Variants in GALNTL6 observed in about 807,000 individuals in gnomAD.
GALNTL6 encodes the protein polypeptide N-acetylgalactosaminyltransferase-like 6.
In GALNTL6, 46 loss-of-function variants were observed where a neutral mutation model predicts 73.7. The ratio of observed to expected loss-of-function variants is 0.62; its 90% CI spans 0.49 to 0.80. The LOEUF (loss-of-function observed/expected upper bound fraction) is 0.80, where lower values mean the gene tolerates loss of function less well. Ranked by LOEUF, GALNTL6 falls within the 30% of genes least tolerant of loss-of-function variation. The probability of loss-of-function intolerance (pLI) is 0.00; values close to 1 mark genes in which losing one functional copy is unlikely to be tolerated. For missense variants in GALNTL6, 604 were observed against 755.0 expected (o/e 0.80, Z 2.34); for synonymous variants, 259 against 263.7 (o/e 0.98, Z 0.17).
chr4:172,043,577 G>T (rs1013990532), intron 2 of GALNTL6, among the ~76,000 whole-genome samples: 1 of 151,984 alleles, frequency 6.6e-6, no homozygotes, highest in Non-Finnish European at 1.5e-5. Context: ...TCTTTTAAAG[G>T]TTTTATTTAT....
intron 5 of GALNTL6, among the ~76,000 whole-genome samples, chr4:172,734,601 G>A (rs1284591307): frequency 6.6e-6 from 1 of 152,184 alleles, no homozygotes; most frequent in Non-Finnish European, 1.5e-5. Context: ...GGTTTTTACA[G>A]TCTTGAGAAG....
chr4:172,007,321 A>G (rs1740871647), intron 2 of GALNTL6, among the ~76,000 whole-genome samples: 1 of 152,100 alleles, frequency 6.6e-6, no homozygotes, highest in Non-Finnish European at 1.5e-5. Flanking sequence ...ATTAAAAGCT[A>G]TGTATGATTA....
intron 7 of GALNTL6, among the ~76,000 whole-genome samples, chr4:172,849,333 C>A (rs1743687182): frequency 6.6e-6 from 1 of 151,982 alleles, no homozygotes; most frequent in African/African-American, 2.4e-5. Flanking sequence ...GAAGGTGCAC[C>A]TCAGAAAATA....
At chr4:172,653,035 C>A (rs1740548701) in intron 5 of GALNTL6, among the ~76,000 whole-genome samples, 1 of 151,980 alleles carries the variant, frequency 6.6e-6, no homozygotes, top group Non-Finnish European at 1.5e-5. Flanking sequence ...TAAAACTCTT[C>A]TGAAACTACC....
chr4:171,860,498 A>T (rs930497973), intron 2 of GALNTL6, among the ~76,000 whole-genome samples: 2 of 152,196 alleles, frequency 1.3e-5, no homozygotes, highest in East Asian at 3.9e-4. Flanking sequence ...TAGATTGCTC[A>T]TTGTGGAACA....
chr4:171,958,314 G>A (rs1254008656), intron 2 of GALNTL6, among the ~76,000 whole-genome samples: 1 of 152,106 alleles, frequency 6.6e-6, no homozygotes, highest in African/African-American at 2.4e-5. Context: ...TGCATAAACA[G>A]CTGAACAAAT....
chr4:172,488,328 C>G (rs1217224865), intron 5 of GALNTL6, among the ~76,000 whole-genome samples: 1 of 152,176 alleles, frequency 6.6e-6, no homozygotes, highest in African/African-American at 2.4e-5. Context: ...CAGATAGGGC[C>G]TAGTAAAGAT....
At chr4:172,654,323 C>T (rs758589584) in intron 5 of GALNTL6, among the ~76,000 whole-genome samples, 3 of 152,130 alleles carry the variant, frequency 2.0e-5, no homozygotes, top group African/African-American at 4.8e-5. Context: ...TGTTCTCAAC[C>T]GAACCATTAT....
intron 2 of GALNTL6, among the ~76,000 whole-genome samples, chr4:172,086,294 C>T (rs1436288238): frequency 6.6e-6 from 1 of 151,966 alleles, no homozygotes; most frequent in Non-Finnish European, 1.5e-5. Flanking sequence ...TCATATTTAG[C>T]ATGTTAAGGG....
intron 5 of GALNTL6, among the ~76,000 whole-genome samples, chr4:172,725,278 T>C (rs143421498): frequency 1.1e-3 from 168 of 152,342 alleles, no homozygotes; most frequent in African/African-American, 3.9e-3. Flanking sequence ...GAATATTACA[T>C]AGTCCTAGTA....
At chr4:172,685,408 TC>T in intron 5 of GALNTL6, among the ~76,000 whole-genome samples, 1 of 152,292 alleles carries the variant, frequency 6.6e-6, no homozygotes, top group East Asian at 1.9e-4. Flanking sequence ...AGAAAATGTA[TC>T]CCCTTTTTAG....
At chr4:172,669,701 T>A (rs2111200942) in intron 5 of GALNTL6, among the ~76,000 whole-genome samples, 1 of 152,318 alleles carries the variant, frequency 6.6e-6, no homozygotes, top group East Asian at 1.9e-4. Context: ...ATGGGTACAT[T>A]GCAGGTTTAT....
chr4:172,284,261 A>G (rs17288490), intron 3 of GALNTL6, among the ~76,000 whole-genome samples: 71,699 of 152,030 alleles, frequency 0.47, 17,503 homozygotes, highest in African/African-American at 0.61. Context: ...GGCAGAAACT[A>G]GAGATTTTAA....
intron 2 of GALNTL6, among the ~76,000 whole-genome samples, chr4:171,838,851 G>A (rs182970503): frequency 8.5e-5 from 13 of 152,262 alleles, no homozygotes; most frequent in African/African-American, 2.9e-4. Context: ...GCTAGGTCAG[G>A]CGAGTAAAGG....
chr4:172,493,774 T>C (rs527791428), intron 5 of GALNTL6, among the ~76,000 whole-genome samples: 1 of 152,290 alleles, frequency 6.6e-6, no homozygotes, highest in South Asian at 2.1e-4. Flanking sequence ...AATGCAATTA[T>C]TTGATTAATG....
chr4:172,091,399 C>T (rs1243207548), intron 2 of GALNTL6, among the ~76,000 whole-genome samples: 1 of 152,090 alleles, frequency 6.6e-6, no homozygotes, highest in Non-Finnish European at 1.5e-5. Context: ...TGGGTGAATA[C>T]CTCTCTTCTT....
At chr4:172,669,043 T>G (rs904435396) in intron 5 of GALNTL6, 4 of 152,154 alleles carry the variant, frequency 2.6e-5, no homozygotes, top group Non-Finnish European at 5.9e-5. Context: ...TTCTGTAATA[T>G]AGATATTGGA....
chr4:172,388,438 C>T (rs1299621371), intron 5 of GALNTL6, among the ~76,000 whole-genome samples: 2 of 151,976 alleles, frequency 1.3e-5, no homozygotes, highest in African/African-American at 4.8e-5. Flanking sequence ...ACATATATGC[C>T]ACAGAAAGTA....
At chr4:172,212,741 C>T (rs551499306) in intron 2 of GALNTL6, among the ~76,000 whole-genome samples, 1 of 152,090 alleles carries the variant, frequency 6.6e-6, no homozygotes, top group Non-Finnish European at 1.5e-5. Context: ...CATCTCAGCT[C>T]ACCACAACCT....
Sources: allele counts gnomAD v4.1 joint callset (sites outside exome capture counted in the v4.1 genomes callset), GRCh38; gene constraint gnomAD v4.1.1; transcripts MANE v1.5; gene names NCBI Gene and HGNC (gene_info 2026-07-23, HGNC 2026-07-21).